SNX13: variants seen among roughly 807,000 people sequenced by gnomAD.
The protein encoded by SNX13 is sorting nexin 13.
SNX13 carries 45 observed loss-of-function variants against 133.6 expected under a neutral mutation model. The observed-to-expected ratio is 0.34, with a 90% CI of 0.27 to 0.43. The LOEUF is 0.43. Among genes scored for constraint, SNX13 ranks in the 20% least tolerant of loss-of-function variants. The probability of loss-of-function intolerance (pLI) is 1.00; values close to 1 mark genes in which losing one functional copy is unlikely to be tolerated. For synonymous variants in SNX13, 414 were observed against 373.9 expected (o/e 1.11, Z -1.24); for missense variants, 1,032 against 1,145.1 (o/e 0.90, Z 1.43).
In SNX13 at chr7:17,902,092, T is replaced by C. The variant is rs147746843; in HGVS notation, c.13-4646A>G. Among the ~76,000 whole-genome samples the C allele has an allele frequency of 3.9e-5, 6 of 152,298 alleles. No individual in the cohort carries two copies. In the East Asian group the frequency reaches 1.2e-3, roughly 29 times the overall value. On this transcript the variant is annotated intron_variant, in intron 1 of 25. Transcript: ENST00000428135. Reference sequence around the variant, plus strand: ...ATTTTTCTAAAAACTCAACTTTTCATATTCTAACAGGTGTTTTATTATTCA... The same window carrying C: ...ATTTTTCTAAAAACTCAACTTTTCACATTCTAACAGGTGTTTTATTATTCA...
intron 9 of SNX13, 26 bp from the exon 10 acceptor site, chr7:17,850,990 G>C (rs749018850): frequency 6.3e-6 from 10 of 1,581,676 alleles, no homozygotes; most frequent in Middle Eastern, 1.7e-4. Flanking sequence ...AGAAAAACAG[G>C]TGGGAGAGGA....
Position 17,801,578 on chromosome 7 carries a change from A to G in SNX13, c.2298+10T>C. ...TAAACTAAATACTACCAAGAATAAA[A>G]TTAACTCACATTATCGTCAAGTTGA... On this transcript the variant is annotated intron_variant, in intron 22 of 25. Coordinates refer to ENST00000428135, the MANE Select transcript of SNX13 (RefSeq NM_015132.5). 2 of 1,599,260 alleles carry G rather than the reference A, an allele frequency of 1.3e-6. No homozygotes were observed. The highest frequency in any genetic ancestry group is 1.7e-6 in the Non-Finnish European group (2 of 1,172,106).
chr7:17,887,853 G>GA (rs60926364), intron 5 of SNX13, among the ~76,000 whole-genome samples: 82,101 of 145,934 alleles, frequency 0.56, 23,011 homozygotes, highest in East Asian at 0.72. Context: ...CACTGGATAG[G>GA]AAAAAAAAAA....
At chr7:17,915,863 T>A (rs1799506996) in intron 1 of SNX13, among the ~76,000 whole-genome samples, 1 of 152,230 alleles carries the variant, frequency 6.6e-6, no homozygotes, top group South Asian at 2.1e-4. Context: ...ATTCTTCTCA[T>A]CTGCACACAG....
At chr7:17,883,205 G>A (rs1795572922) in intron 5 of SNX13, among the ~76,000 whole-genome samples, 3 of 152,132 alleles carry the variant, frequency 2.0e-5, no homozygotes, top group East Asian at 1.9e-4. Flanking sequence ...ATATCCAGAT[G>A]TTCTGAAGGA....
rs532528830 is a variant in SNX13, at chr7:17,940,400, C to T, written c.-105G>A. 3.8e-6 allele frequency: 5 copies of T among 1,307,956 alleles called. 1 individual carries two copies. Among genetic ancestry groups the T allele is most frequent in the South Asian group, 3.8e-5 (3 of 79,288 alleles). The allele number at this position is 1,307,956 out of a possible 1,614,324, so 81.0% of individuals were successfully genotyped here. A position where few individuals can be genotyped will look rare whatever the true frequency, so the allele number is the denominator to read the frequency against. ...CCGCCGCCAACGGCGGCAACTGCTC[C>T]TTCAGTCTTCTCCCGGGCGGCGGTT... On this transcript the variant is annotated 5_prime_UTR_variant, in exon 1 of 26. Coordinates refer to ENST00000428135, the MANE Select transcript of SNX13 (RefSeq NM_015132.5).
chr7:17,883,827 T>C (rs1240177552), intron 5 of SNX13, among the ~76,000 whole-genome samples: 1 of 152,200 alleles, frequency 6.6e-6, no homozygotes. Context: ...GTGTTTGGTT[T>C]TCTGTTCTTG....
intron 1 of SNX13, among the ~76,000 whole-genome samples, chr7:17,936,503 A>T (rs903026497): frequency 6.6e-6 from 1 of 152,250 alleles, no homozygotes; most frequent in Non-Finnish European, 1.5e-5. Flanking sequence ...ATTATTTTTT[A>T]AAACACAGGA....
At chr7:17,920,217 C>G (rs1799983700) in intron 1 of SNX13, among the ~76,000 whole-genome samples, 1 of 152,106 alleles carries the variant, frequency 6.6e-6, no homozygotes, top group African/African-American at 2.4e-5. Flanking sequence ...AGTAAAAGCA[C>G]ATGGGTTTTA....
At chr7:17,833,016 T>TGC (rs1309080911) in intron 15 of SNX13, among the ~76,000 whole-genome samples, 1 of 151,564 alleles carries the variant, frequency 6.6e-6, no homozygotes, top group Non-Finnish European at 1.5e-5. Context: ...TTCTCAAGTG[T>TGC]GCTTGCCATA....
rs568143678 is a variant in SNX13, at chr7:17,845,427, A to G, written c.1165+168T>C. Among the ~76,000 whole-genome samples, 4 of 152,308 alleles carry G rather than the reference A, an allele frequency of 2.6e-5. No homozygotes were observed. In the East Asian group the frequency reaches 7.7e-4, roughly 29 times the overall value. ...TAATGAGTAGAGTTTCAGTTTTGGA[A>G]GATAAAAACAGTTCTGGAGACTCTG... On this transcript the variant is annotated intron_variant, in intron 12 of 25. Coordinates refer to ENST00000428135, the MANE Select transcript of SNX13 (RefSeq NM_015132.5).
At chr7:17,868,698 A>G (rs1793696156) in intron 8 of SNX13, among the ~76,000 whole-genome samples, 1 of 152,128 alleles carries the variant, frequency 6.6e-6, no homozygotes. Flanking sequence ...CAACTTGGAC[A>G]CATCTCCACA....
chr7:17,813,782 C>G (rs1786330081), intron 20 of SNX13, among the ~76,000 whole-genome samples: 1 of 151,736 alleles, frequency 6.6e-6, no homozygotes, highest in Admixed American at 6.6e-5. Flanking sequence ...GAGACAGGGT[C>G]TCGCTGTTAC....
At chr7:17,906,600 GGCCAAAA>G (rs1265981006) in intron 1 of SNX13, among the ~76,000 whole-genome samples, 1 of 151,860 alleles carries the variant, frequency 6.6e-6, no homozygotes, top group Non-Finnish European at 1.5e-5. Context: ...AATCTGATAT[GGCCAAAA>G]GGTGGTTAGA....
intron 13 of SNX13, among the ~76,000 whole-genome samples, chr7:17,835,428 G>A (rs536913357): frequency 3.3e-5 from 5 of 151,846 alleles, no homozygotes; most frequent in African/African-American, 1.2e-4. Context: ...GTTCCAGTGT[G>A]ATATGGGGAA....
intron 12 of SNX13, among the ~76,000 whole-genome samples, chr7:17,841,586 A>ACACG (rs1554321925): frequency 1.7e-4 from 26 of 151,266 alleles, no homozygotes; most frequent in African/African-American, 5.3e-4. Context: ...ACACACACGC[A>ACACG]CACACACCCC....
chr7:17,875,464 T>C lies in SNX13; in HGVS notation c.664+16A>G, dbSNP rs1880457. 6.2e-7 allele frequency: 1 copy of C among 1,600,430 alleles called. No homozygotes were observed. Among genetic ancestry groups the C allele is most frequent in the East Asian group, 2.2e-5 (1 of 44,754 alleles). ...AGCCAGCTACTATTGTCAAAAAAGTTAAATTAAAAGAAAACCTTCTTCATC... is the reference window on the plus strand; with the variant it reads ...AGCCAGCTACTATTGTCAAAAAAGTCAAATTAAAAGAAAACCTTCTTCATC... On this transcript the variant is annotated intron_variant, in intron 7 of 25. Coordinates refer to ENST00000428135, the MANE Select transcript of SNX13 (RefSeq NM_015132.5).
intron 1 of SNX13, among the ~76,000 whole-genome samples, chr7:17,927,312 A>G (rs1183039314): frequency 6.6e-6 from 1 of 151,818 alleles, no homozygotes; most frequent in Non-Finnish European, 1.5e-5. Context: ...ATGCGATCAT[A>G]GCTCACTGCA....
rs1284204171 is a variant in SNX13, at chr7:17,925,096, C to T, written c.12+15188G>A. On this transcript the variant is annotated intron_variant, in intron 1 of 25. Coordinates refer to ENST00000428135, the MANE Select transcript of SNX13 (RefSeq NM_015132.5). ...TGGTGGCACGTGCCTGGAATTCCTG[C>T]TACTCTACTCAGGAGGCTGAGGCAG... 3.9e-5 allele frequency among the ~76,000 whole-genome samples: 6 copies of T among 152,268 alleles called. No homozygotes were observed. In the East Asian group the frequency reaches 1.2e-3, roughly 29 times the overall value.
Sources: allele counts gnomAD v4.1 joint callset (sites outside exome capture counted in the v4.1 genomes callset), GRCh38; gene constraint gnomAD v4.1.1; transcripts MANE v1.5; gene names NCBI Gene and HGNC (gene_info 2026-07-23, HGNC 2026-07-21).